Variants in FAM83A observed in about 807,000 individuals in gnomAD.
The protein encoded by FAM83A is scaffolding CK1 anchoring protein A.
FAM83A carries 21 observed loss-of-function variants against 24.4 expected under a neutral mutation model. The observed-to-expected ratio is 0.86, with a 90% CI of 0.61 to 1.24. The LOEUF (loss-of-function observed/expected upper bound fraction) is 1.24, where lower values mean the gene tolerates loss of function less well. Among genes scored for constraint, FAM83A ranks in the 50% most tolerant of loss-of-function variants. FAM83A has a pLI of 0.00. For missense variants in FAM83A, 617 were observed against 579.8 expected, an observed-to-expected ratio of 1.06 and a Z score of -0.66; for synonymous variants, 270 against 252.4, an observed-to-expected ratio of 1.07 and a Z score of -0.66.
intron 3 of FAM83A, among the ~76,000 whole-genome samples, chr8:123,200,957 CAA>C (rs11322028): frequency 3.5e-4 from 45 of 127,272 alleles, no homozygotes; most frequent in South Asian, 7.1e-4. Flanking sequence ...AACAAATAAA[CAA>C]AAAAAAAAAA....
intron 1 of FAM83A, among the ~76,000 whole-genome samples, chr8:123,185,883 C>A (rs1483098885): frequency 1.3e-5 from 2 of 152,184 alleles, no homozygotes; most frequent in Non-Finnish European, 2.9e-5. Flanking sequence ...CTCTGCCCCC[C>A]AGATTCAAGC....
chr8:123,193,663 G>T (rs564276661), intron 2 of FAM83A, among the ~76,000 whole-genome samples: 5 of 152,314 alleles, frequency 3.3e-5, no homozygotes, highest in African/African-American at 1.2e-4. Context: ...CATAACAACA[G>T]AAATTTATTC....
At chr8:123,188,046 T>A (rs140772866) in intron 1 of FAM83A, among the ~76,000 whole-genome samples, 1,646 of 151,236 alleles carry the variant, frequency 0.011, 26 homozygotes, top group African/African-American at 0.036. Context: ...TATTATTATT[T>A]TTTTTTTTAG....
At chr8:123,207,774 G>C in exon 4 of FAM83A, 2 of 1,408,680 alleles carry the variant, frequency 1.4e-6, no homozygotes, top group African/African-American at 3.0e-5. Context: ...GAGTGGCGTT[G>C]AGCCACTTCC....
intron 1 of FAM83A, among the ~76,000 whole-genome samples, chr8:123,188,685 G>C (rs1823883769): frequency 6.6e-6 from 1 of 152,242 alleles, no homozygotes; most frequent in East Asian, 1.9e-4. Context: ...GTTTCGCCAA[G>C]TTGCCCAGGT....
chr8:123,186,079 G>A (rs1034941486), intron 1 of FAM83A, among the ~76,000 whole-genome samples: 1 of 152,168 alleles, frequency 6.6e-6, no homozygotes, highest in Admixed American at 6.5e-5. Flanking sequence ...ATGAGCCACC[G>A]TGCCTGGCCA....
At position 123,208,981 on chromosome 8, in the gene FAM83A, A is replaced by G. The variant is rs1021412585; in HGVS notation, c.*1293A>G. 16 of 983,550 alleles carry G rather than the reference A, an allele frequency of 1.6e-5. No homozygotes were observed. The African/African-American group carries it at 2.7e-4, about 16-fold the overall frequency. The allele number at this position is 983,550 out of a possible 1,614,324, so 60.9% of individuals were successfully genotyped here. ...TCCGTCACAGAAAAAAAAAAAAAAA[A>G]GAGAGAGAGCATAGAGGAGGGTTGG... is the stretch of plus-strand genomic sequence containing the variant. On this transcript the variant is annotated 3_prime_UTR_variant, in exon 4 of 4. Coordinates refer to ENST00000690554, the Ensembl canonical transcript of FAM83A.
At chr8:123,187,079 T>G (rs901798241) in intron 1 of FAM83A, among the ~76,000 whole-genome samples, 2 of 151,896 alleles carry the variant, frequency 1.3e-5, no homozygotes, top group Non-Finnish European at 2.9e-5. Flanking sequence ...AAAGGCTGAG[T>G]AAGCGTTTGC....
chr8:123,208,103 C>T (rs771354031), exon 4 of FAM83A: 5 of 1,008,734 alleles, frequency 5.0e-6, no homozygotes, highest in Non-Finnish European at 4.7e-6. Context: ...CTTCTGGTTC[C>T]CAGTGCCCAG....
At chr8:123,181,345 G>A (rs562929137), upstream of FAM83A, among the ~76,000 whole-genome samples, 68 of 152,286 alleles carry the variant, frequency 4.5e-4, no homozygotes, top group African/African-American at 1.6e-3. Context: ...TTTCTCCAAA[G>A]AATGGCTCTG....
At chr8:123,205,061 G>A (rs773501996) in intron 3 of FAM83A, among the ~76,000 whole-genome samples, 2 of 152,060 alleles carry the variant, frequency 1.3e-5, no homozygotes, top group Non-Finnish European at 2.9e-5. Flanking sequence ...GCGATGAGCC[G>A]AGATCACGCC....
exon 4 of FAM83A, chr8:123,207,891 C>G (rs1824619433): frequency 7.6e-7 from 1 of 1,313,816 alleles, no homozygotes; most frequent in African/African-American, 1.5e-5. Context: ...CTAGTTTGAC[C>G]TGTGCAGCAC....
At chr8:123,208,361 C>CA (rs769776209) in exon 4 of FAM83A, 9 of 985,642 alleles carry the variant, frequency 9.1e-6, no homozygotes, top group Non-Finnish European at 1.1e-5. Context: ...TTGGGTTGGA[C>CA]AAGGCAGGTT....
exon 4 of FAM83A, chr8:123,207,613 G>C (rs755611212): frequency 3.8e-4 from 597 of 1,556,236 alleles, no homozygotes; most frequent in Non-Finnish European, 5.0e-4. Context: ...CGCGGCTGCA[G>C]CTGGAGCAGC....
In FAM83A at chr8:123,206,004, G is replaced by C. The variant is rs188873720; in HGVS notation, c.774-1153G>C. 2.7e-3 allele frequency among the ~76,000 whole-genome samples: 404 copies of C among 152,046 alleles called. 1 individual carries two copies. Among genetic ancestry groups the C allele is most frequent in the African/African-American group, 9.3e-3 (384 of 41,488 alleles). ...CTAAAAATACAAAAATTAGCTGGGC[G>C]TGGTGGCGGGCGCCTGTAATCCCAG... On this transcript the variant is annotated intron_variant, in intron 3 of 3. Transcript: ENST00000690554.
intron 1 of FAM83A, among the ~76,000 whole-genome samples, chr8:123,190,911 C>A (rs780862542): frequency 2.0e-5 from 3 of 152,176 alleles, no homozygotes; most frequent in Non-Finnish European, 4.4e-5. Context: ...GTAGAAAGAA[C>A]ACCTCCTTTT....
At chr8:123,201,636 C>T (rs1824360215) in intron 3 of FAM83A, 2 of 152,158 alleles carry the variant, frequency 1.3e-5, no homozygotes, top group African/African-American at 4.8e-5. Context: ...TTCTTTTAGC[C>T]CCGCTACCTG....
chr8:123,189,954 C>T (rs1400590582), intron 1 of FAM83A, among the ~76,000 whole-genome samples: 1 of 152,150 alleles, frequency 6.6e-6, no homozygotes, highest in Admixed American at 6.5e-5. Context: ...TTAGTTTTTG[C>T]TTTGGGCTTA....
chr8:123,207,323 C>CCG lies in FAM83A; in HGVS notation c.941_942dup (p.Ala315ArgfsTer107). On this transcript the variant is annotated frameshift_variant, in exon 4 of 4. Coordinates refer to ENST00000690554, the Ensembl canonical transcript of FAM83A. LOFTEE classifies it low-confidence loss of function (END_TRUNC). ...CGCCCCCGTCCCGCCCGGAGCAGCC[C>CCG]CGGCCAATGGCCGCCTTAGCAGCAG... 2.5e-6 allele frequency: 4 copies of CCG among 1,611,578 alleles called. No individual in the cohort carries two copies. Among genetic ancestry groups the CCG allele is most frequent in the Non-Finnish European group, 3.4e-6 (4 of 1,179,398 alleles).
Sources: allele counts gnomAD v4.1 joint callset (sites outside exome capture counted in the v4.1 genomes callset), GRCh38; gene constraint gnomAD v4.1.1; transcripts MANE v1.5; gene names NCBI Gene and HGNC (gene_info 2026-07-23, HGNC 2026-07-21).